AFAP1L1: variants seen among roughly 807,000 people sequenced by gnomAD.
The protein encoded by AFAP1L1 is actin filament associated protein 1 like 1, also known as actin filament-associated protein 1-like 1.
In AFAP1L1, 77 loss-of-function variants were observed where a neutral mutation model predicts 99.8. The observed-to-expected ratio is 0.77, with a 90% confidence interval of 0.64 to 0.93. The LOEUF (loss-of-function observed/expected upper bound fraction) is 0.93. Ranked by LOEUF, AFAP1L1 falls within the 40% of genes least tolerant of loss-of-function variation. The pLI is 0.00. For synonymous variants in AFAP1L1, 373 were observed against 395.3 expected, an observed-to-expected ratio of 0.94 and a Z score of 0.67; for missense variants, 893 against 996.8, an observed-to-expected ratio of 0.90 and a Z score of 1.40.
chr5:149,290,588 A>G (rs1318306597), intron 1 of AFAP1L1, among the ~76,000 whole-genome samples: 1 of 152,266 alleles, frequency 6.6e-6, no homozygotes, highest in Non-Finnish European at 1.5e-5. Flanking sequence ...CAAAATGTGC[A>G]TCACTAAATC....
rs1040220010 is a variant in AFAP1L1, at chr5:149,338,893, A to G, written c.2284-1114A>G. 7.9e-5 allele frequency among the ~76,000 whole-genome samples: 12 copies of G among 152,314 alleles called. No individual in the cohort carries two copies. The South Asian group carries it at 1.5e-3, about 18-fold the overall frequency. ...GCAAGTGTCAAGTCCCTGAAGTGGG[A>G]AAAAGCTTGGCATGTTTGAGGAACA... is the stretch of plus-strand genomic sequence containing the variant. On this transcript the variant is annotated intron_variant, in intron 18 of 18. Coordinates refer to ENST00000296721, the MANE Select transcript of AFAP1L1 (RefSeq NM_152406.4).
chr5:149,342,802 C>T lies in AFAP1L1; in HGVS notation c.*2772C>T, dbSNP rs1757593780. ...TGGCACATGCCGGTAGTCCCAGCTA[C>T]TTGGGAGGCTGAGGGAGGAGAATCA... On this transcript the variant is annotated 3_prime_UTR_variant, in exon 19 of 19. Coordinates refer to ENST00000296721, the MANE Select transcript of AFAP1L1 (RefSeq NM_152406.4). 1.3e-5 allele frequency among the ~76,000 whole-genome samples: 2 copies of T among 152,102 alleles called. No homozygotes were observed. Among genetic ancestry groups the T allele is most frequent in the Admixed American group, 1.3e-4 (2 of 15,272 alleles).
chr5:149,305,269 C>T (rs1274257176), intron 5 of AFAP1L1, among the ~76,000 whole-genome samples: 1 of 152,210 alleles, frequency 6.6e-6, no homozygotes, highest in Non-Finnish European at 1.5e-5. Flanking sequence ...TGAGGTCACT[C>T]AGTAAATGAT....
In AFAP1L1 at chr5:149,322,520, C is replaced by G. The variant is rs1756978764; in HGVS notation, c.1699-86C>G. On this transcript the variant is annotated intron_variant, in intron 14 of 18. Transcript: ENST00000296721. Reference sequence around the variant, plus strand: ...ACCAAGATCTCAGAGCAAGAAGACTCCATACTGAGCAAAGACCGCAATACA... The same window carrying G: ...ACCAAGATCTCAGAGCAAGAAGACTGCATACTGAGCAAAGACCGCAATACA... 5 of 898,338 alleles carry G rather than the reference C, an allele frequency of 5.6e-6. No homozygotes were observed. The South Asian group carries it at 8.7e-5, about 16-fold the overall frequency. 55.6% of individuals were successfully genotyped at this position (898,338 alleles called of 1,614,324 possible).
chr5:149,321,722 CAAAA>C (rs57366142), intron 14 of AFAP1L1, among the ~76,000 whole-genome samples: 1,409 of 63,752 alleles, frequency 0.022, 11 homozygotes, highest in African/African-American at 0.081. Context: ...GACTCTGTCT[CAAAA>C]AAAAAAAAAA....
chr5:149,328,469 C>T (rs1757155569), intron 15 of AFAP1L1, among the ~76,000 whole-genome samples: 1 of 152,146 alleles, frequency 6.6e-6, no homozygotes, highest in East Asian at 1.9e-4. Context: ...GGGACCTAAC[C>T]TCTGTGTGCC....
At chr5:149,282,015 G>A (rs946583035) in intron 1 of AFAP1L1, among the ~76,000 whole-genome samples, 7 of 152,090 alleles carry the variant, frequency 4.6e-5, no homozygotes, top group Admixed American at 1.3e-4. Flanking sequence ...TCATTATCCC[G>A]GAATTAACAA....
intron 8 of AFAP1L1, among the ~76,000 whole-genome samples, chr5:149,311,077 C>T (rs1186458042): frequency 1.3e-5 from 2 of 152,138 alleles, no homozygotes; most frequent in Non-Finnish European, 2.9e-5. Flanking sequence ...TCCTTTACAG[C>T]AGACCTCATC....
chr5:149,322,297 A>G (rs1756972004), intron 14 of AFAP1L1, among the ~76,000 whole-genome samples: 1 of 152,138 alleles, frequency 6.6e-6, no homozygotes, highest in Non-Finnish European at 1.5e-5. Flanking sequence ...CAAATGTTCT[A>G]AAGACAAAAG....
intron 2 of AFAP1L1, 86 bp downstream of exon 2, chr5:149,299,723 C>G: frequency 1.3e-6 from 2 of 1,575,538 alleles, no homozygotes; most frequent in Non-Finnish European, 1.7e-6. Context: ...CATGCAGGAA[C>G]CCTCCGCCCC....
At position 149,329,872 on chromosome 5, in the gene AFAP1L1, G is replaced by T. The variant is rs754248044; in HGVS notation, c.1975+42G>T. On this transcript the variant is annotated intron_variant, in intron 16 of 18. Transcript: ENST00000296721. Reference sequence around the variant, plus strand: ...GGTCCTGAGCACCTATGGGTGGCCAGCTCATCCTTGGGTACAGTAAAGGGA... The same window carrying T: ...GGTCCTGAGCACCTATGGGTGGCCATCTCATCCTTGGGTACAGTAAAGGGA... 4 of 1,535,616 alleles carry T rather than the reference G, an allele frequency of 2.6e-6. No individual in the cohort carries two copies. In the African/African-American group the frequency reaches 5.6e-5, roughly 21 times the overall value.
chr5:149,316,643 C>T (rs1184524526), intron 11 of AFAP1L1, among the ~76,000 whole-genome samples: 1 of 152,092 alleles, frequency 6.6e-6, no homozygotes, highest in Non-Finnish European at 1.5e-5. Context: ...CAGCATAGAA[C>T]GTGCCAGGTT....
intron 1 of AFAP1L1, among the ~76,000 whole-genome samples, chr5:149,285,940 A>G (rs1755666642): frequency 6.6e-6 from 1 of 152,110 alleles, no homozygotes; most frequent in Non-Finnish European, 1.5e-5. Context: ...CTGTGTACCC[A>G]TTACTGTGCT....
At chr5:149,277,654 G>A (rs566846692) in intron 1 of AFAP1L1, among the ~76,000 whole-genome samples, 7 of 152,278 alleles carry the variant, frequency 4.6e-5, no homozygotes, top group African/African-American at 1.4e-4. Context: ...GGTCATCTTT[G>A]TCAGTGTTGG....
chr5:149,295,188 C>G (rs1755978347), intron 1 of AFAP1L1, among the ~76,000 whole-genome samples: 2 of 152,212 alleles, frequency 1.3e-5, no homozygotes, highest in South Asian at 4.1e-4. Context: ...ATCTGCTTCT[C>G]TCAGATGCAT....
At chr5:149,302,842 A>T (rs1029091577) in intron 5 of AFAP1L1, among the ~76,000 whole-genome samples, 1 of 152,194 alleles carries the variant, frequency 6.6e-6, no homozygotes, top group African/African-American at 2.4e-5. Flanking sequence ...GCACCATGTC[A>T]GTGTGCTAGG....
chr5:149,278,259 T>C (rs1420026927), intron 1 of AFAP1L1, among the ~76,000 whole-genome samples: 5 of 152,096 alleles, frequency 3.3e-5, no homozygotes, highest in Non-Finnish European at 7.4e-5. Context: ...GCCAAACTTC[T>C]CAAATGGTCA....
In AFAP1L1 at chr5:149,309,652, G is replaced by A. The variant is rs138141469; in HGVS notation, c.748-304G>A. ...ATAGATTTTTAACTGGCTTCCTCCCGAGCCAGCCCATTTCTTCTCTGGTTC... is the reference window on the plus strand; with the variant it reads ...ATAGATTTTTAACTGGCTTCCTCCCAAGCCAGCCCATTTCTTCTCTGGTTC... On this transcript the variant is annotated intron_variant, in intron 7 of 18. Transcript: ENST00000296721. Among the ~76,000 whole-genome samples the A allele has an allele frequency of 9.8e-4, 149 of 152,130 alleles. No homozygotes were observed. In the East Asian group the frequency reaches 0.02, roughly 20 times the overall value.
intron 1 of AFAP1L1, among the ~76,000 whole-genome samples, chr5:149,272,628 G>A (rs1028684054): frequency 1.3e-5 from 2 of 152,220 alleles, no homozygotes; most frequent in African/African-American, 4.8e-5. Flanking sequence ...AGAAGTGGAG[G>A]GGACTTACTG....
Sources: allele counts gnomAD v4.1 joint callset (sites outside exome capture counted in the v4.1 genomes callset), GRCh38; gene constraint gnomAD v4.1.1; transcripts MANE v1.5; gene names NCBI Gene and HGNC (gene_info 2026-07-23, HGNC 2026-07-21).